Variants in SOX5 observed in about 807,000 individuals in gnomAD.
SOX5 encodes SRY-box transcription factor 5.
SOX5 carries 9 observed loss-of-function variants against 92.0 expected under a neutral mutation model. The observed-to-expected ratio is 0.10, with a 90% CI of 0.06 to 0.17. The LOEUF (loss-of-function observed/expected upper bound fraction) is 0.17. SOX5 is among the 10% of genes least tolerant of loss of function. SOX5 has a pLI of 1.00. For synonymous variants in SOX5, 344 were observed against 336.3 expected (o/e 1.02, Z -0.25); for missense variants, 642 against 944.5 (o/e 0.68, Z 4.20).
chr12:23,963,633 GCATACAT>G (rs1947208726), intron 4 of SOX5, among the ~76,000 whole-genome samples: 1 of 152,114 alleles, frequency 6.6e-6, no homozygotes, highest in African/African-American at 2.4e-5. Flanking sequence ...CCTGAGTCTA[GCATACAT>G]GCATGCAGGC....
chr12:23,859,761 T>TA (rs1181185271), intron 2 of SOX5, among the ~76,000 whole-genome samples: 2 of 152,112 alleles, frequency 1.3e-5, no homozygotes, highest in African/African-American at 4.8e-5. Flanking sequence ...GGCCGAGCTG[T>TA]AAAATGTCTC....
intron 4 of SOX5, among the ~76,000 whole-genome samples, chr12:24,199,174 AT>A (rs1364102660): frequency 1.3e-5 from 2 of 152,184 alleles, no homozygotes; most frequent in African/African-American, 4.8e-5. Flanking sequence ...ATCATGAGAG[AT>A]GCCAGCAGGG....
intron 9 of SOX5, chr12:23,584,718 A>C: frequency 1.4e-6 from 1 of 696,172 alleles, no homozygotes. Flanking sequence ...ACCTTGGAGA[A>C]GGACAGGTGT....
At chr12:23,614,581 T>C (rs1040688792) in intron 8 of SOX5, among the ~76,000 whole-genome samples, 2 of 152,358 alleles carry the variant, frequency 1.3e-5, no homozygotes, top group African/African-American at 4.8e-5. Context: ...GATAGTTGGA[T>C]GATGTTTTCC....
intron 4 of SOX5, among the ~76,000 whole-genome samples, chr12:24,148,688 T>TAAAA (rs398018872): frequency 5.2e-4 from 37 of 70,928 alleles, no homozygotes; most frequent in African/African-American, 2.2e-3. Context: ...CCATCTCTAC[T>TAAAA]AAAAAAAAAA....
chr12:24,417,533 C>T (rs1393538389), intron 1 of SOX5, among the ~76,000 whole-genome samples: 2 of 152,170 alleles, frequency 1.3e-5, no homozygotes, highest in East Asian at 1.9e-4. Flanking sequence ...TAATCTACAA[C>T]AGACAATGTT....
chr12:23,980,201 C>T (rs114639916), intron 4 of SOX5, among the ~76,000 whole-genome samples: 87 of 151,648 alleles, frequency 5.7e-4, no homozygotes, highest in African/African-American at 2.0e-3. Context: ...CTGGTGAAGC[C>T]CTTGAATATT....
chr12:24,504,735 C>CT (rs1355987014), intron 1 of SOX5, among the ~76,000 whole-genome samples: 2 of 152,020 alleles, frequency 1.3e-5, no homozygotes, highest in African/African-American at 4.8e-5. Flanking sequence ...ATTCTAGTTC[C>CT]TTTTTCTTTT....
chr12:23,660,225 A>C (rs540000704), intron 7 of SOX5, among the ~76,000 whole-genome samples: 18 of 152,288 alleles, frequency 1.2e-4, no homozygotes, highest in African/African-American at 3.6e-4. Flanking sequence ...CAAGATCTGT[A>C]TTTTGCTCGT....
At chr12:24,189,012 C>T (rs767119283) in intron 4 of SOX5, among the ~76,000 whole-genome samples, 1 of 152,146 alleles carries the variant, frequency 6.6e-6, no homozygotes, top group Non-Finnish European at 1.5e-5. Context: ...AAAACACTAC[C>T]TACAAGGACT....
intron 2 of SOX5, among the ~76,000 whole-genome samples, chr12:24,340,129 C>T (rs1952410794): frequency 6.6e-6 from 1 of 152,270 alleles, no homozygotes; most frequent in South Asian, 2.1e-4. Flanking sequence ...TCTTCAACAA[C>T]TCGCTGGCAC....
chr12:23,615,148 T>C (rs1289605547), intron 8 of SOX5, among the ~76,000 whole-genome samples: 1 of 152,100 alleles, frequency 6.6e-6, no homozygotes, highest in Non-Finnish European at 1.5e-5. Flanking sequence ...TTATAACTAT[T>C]TTGGCAGGTG....
At chr12:24,181,578 G>A (rs1329261972) in intron 4 of SOX5, among the ~76,000 whole-genome samples, 1 of 152,098 alleles carries the variant, frequency 6.6e-6, no homozygotes, top group Non-Finnish European at 1.5e-5. Flanking sequence ...CTATGTATAT[G>A]AGGATCATAA....
In SOX5 at chr12:23,829,910, T is replaced by C. The variant is rs183637039; in HGVS notation, c.481+16073A>G. ...GTTAAAAAGAAAAATAGAAGCTTTC[T>C]GGGACAAATGATTTTCTTATAAAGA... On this transcript the variant is annotated intron_variant, in intron 3 of 14. Coordinates refer to ENST00000451604, the MANE Select transcript of SOX5 (RefSeq NM_006940.6). Among the ~76,000 whole-genome samples the C allele has an allele frequency of 1.4e-3, 208 of 152,248 alleles. 2 individuals are homozygous for C. The highest frequency in any genetic ancestry group is 4.6e-3 in the East Asian group (24 of 5,184).
chr12:23,958,258 T>G (rs1296794159), intron 4 of SOX5, among the ~76,000 whole-genome samples: 1 of 152,114 alleles, frequency 6.6e-6, no homozygotes, highest in Non-Finnish European at 1.5e-5. Context: ...GTTCTTATAT[T>G]GAGTGTGTGC....
intron 4 of SOX5, among the ~76,000 whole-genome samples, chr12:24,027,182 C>G (rs1026051940): frequency 6.6e-6 from 1 of 151,950 alleles, no homozygotes; most frequent in Non-Finnish European, 1.5e-5. Flanking sequence ...TTCTAGGCTC[C>G]TTAGCCAGAT....
chr12:24,287,792 A>G (rs1282317321), intron 2 of SOX5, among the ~76,000 whole-genome samples: 3 of 152,080 alleles, frequency 2.0e-5, no homozygotes, highest in Non-Finnish European at 4.4e-5. Flanking sequence ...TAGGTATGAC[A>G]GGGCTGATCC....
intron 1 of SOX5, among the ~76,000 whole-genome samples, chr12:24,385,549 C>A (rs1410916923): frequency 6.6e-6 from 1 of 152,088 alleles, no homozygotes; most frequent in African/African-American, 2.4e-5. Context: ...AACATCCCTG[C>A]ACATGTGTGT....
intron 1 of SOX5, among the ~76,000 whole-genome samples, chr12:24,520,146 T>C (rs1358217860): frequency 6.6e-6 from 1 of 151,944 alleles, no homozygotes; most frequent in African/African-American, 2.4e-5. Flanking sequence ...ACTTTTGAAG[T>C]TTTTCACCAG....
Sources: gnomAD v4.1 joint callset for allele counts (sites outside exome capture counted in the v4.1 genomes callset) on GRCh38, gnomAD v4.1.1 for gene constraint, MANE v1.5 for transcripts, NCBI Gene and HGNC (gene_info 2026-07-23, HGNC 2026-07-21) for gene names.